Variants in CDC42SE2 observed in about 807,000 individuals in gnomAD.
The protein encoded by CDC42SE2 is CDC42 small effector 2, also known as CDC42 small effector protein 2.
Under a neutral mutation model 11.5 loss-of-function variants are expected in CDC42SE2, and 3 were observed. The ratio of observed to expected loss-of-function variants is 0.26; its 90% CI spans 0.12 to 0.67. CDC42SE2 has a LOEUF of 0.67. CDC42SE2 is among the 30% of genes least tolerant of loss of function. The pLI is 0.80. For synonymous variants in CDC42SE2, 33 were observed against 34.8 expected, an observed-to-expected ratio of 0.95 and a Z score of 0.18; for missense variants, 82 against 106.8, an observed-to-expected ratio of 0.77 and a Z score of 1.02.
intron 1 of CDC42SE2, among the ~76,000 whole-genome samples, chr5:131,312,665 G>A (rs1196638964): frequency 3.9e-5 from 6 of 152,146 alleles, no homozygotes; most frequent in Admixed American, 6.5e-5. Context: ...TAAGCCCCTC[G>A]GAAAAGCACA....
At chr5:131,314,284 T>G (rs969902424) in intron 1 of CDC42SE2, among the ~76,000 whole-genome samples, 3 of 151,602 alleles carry the variant, frequency 2.0e-5, no homozygotes, top group African/African-American at 7.3e-5. Context: ...GGGGTTGGAG[T>G]TCAGTGGCAC....
chr5:131,211,447 C>A, the CDC42SE2 span, among the ~76,000 whole-genome samples: 2 of 152,144 alleles, frequency 1.3e-5, no homozygotes, highest in Non-Finnish European at 2.9e-5. Flanking sequence ...TTTATACTTT[C>A]TTTCAGAATG....
intron 1 of CDC42SE2, among the ~76,000 whole-genome samples, chr5:131,307,400 C>A (rs958637899): frequency 7.2e-5 from 11 of 152,006 alleles, no homozygotes; most frequent in African/African-American, 2.7e-4. Context: ...ATGAACTCAT[C>A]ATTTTTTATG....
At chr5:131,345,857 A>G (rs1390375301) in intron 2 of CDC42SE2, among the ~76,000 whole-genome samples, 1 of 152,208 alleles carries the variant, frequency 6.6e-6, no homozygotes, top group African/African-American at 2.4e-5. Flanking sequence ...ACATTCTTAA[A>G]GAAAAGAATT....
intron 2 of CDC42SE2, among the ~76,000 whole-genome samples, chr5:131,355,334 A>T (rs1367307971): frequency 6.6e-6 from 1 of 152,104 alleles, no homozygotes; most frequent in Non-Finnish European, 1.5e-5. Context: ...AAAGTTAGCC[A>T]AATGTGGTGG....
chr5:131,356,614 A>G (rs1749556136), intron 2 of CDC42SE2, among the ~76,000 whole-genome samples: 1 of 152,242 alleles, frequency 6.6e-6, no homozygotes. Context: ...GGAAATATGT[A>G]GCAATAGAAG....
chr5:131,292,927 A>G (rs1377529989), intron 1 of CDC42SE2, among the ~76,000 whole-genome samples: 2 of 150,606 alleles, frequency 1.3e-5, no homozygotes, highest in Admixed American at 6.7e-5. Context: ...AAAAAAAAAA[A>G]AAAAAAACAG....
intron 4 of CDC42SE2, among the ~76,000 whole-genome samples, chr5:131,386,205 A>T (rs1310724457): frequency 6.6e-6 from 1 of 152,206 alleles, no homozygotes; most frequent in African/African-American, 2.4e-5. Context: ...GTCCACAACC[A>T]AATCCTTGCA....
chr5:131,235,124 C>T, the CDC42SE2 span, among the ~76,000 whole-genome samples: 5 of 151,856 alleles, frequency 3.3e-5, no homozygotes, highest in Non-Finnish European at 5.9e-5. Context: ...CTCCTGACCT[C>T]GTGATCTGCC....
chr5:131,341,780 A>G (rs912669862), intron 2 of CDC42SE2, among the ~76,000 whole-genome samples: 2 of 152,212 alleles, frequency 1.3e-5, no homozygotes, highest in Non-Finnish European at 2.9e-5. Flanking sequence ...ATTATTTAAG[A>G]AAAGATAGGA....
upstream of CDC42SE2, chr5:131,261,405 AAAC>A (rs1481333378): frequency 6.6e-6 from 1 of 152,238 alleles, no homozygotes. Context: ...ATTTTTTTAT[AAAC>A]AAAAGTCTAT....
chr5:131,314,478 C>T (rs887927950), intron 1 of CDC42SE2, among the ~76,000 whole-genome samples: 5 of 151,998 alleles, frequency 3.3e-5, no homozygotes, highest in African/African-American at 1.2e-4. Flanking sequence ...TGGCCTCAAG[C>T]AATCATCCCA....
Position 131,309,530 on chromosome 5 carries a change from C to T in CDC42SE2, c.-454-6446C>T, listed in dbSNP as rs1414542530. Among the ~76,000 whole-genome samples, 20 of 150,900 alleles carry T rather than the reference C, an allele frequency of 1.3e-4. No homozygotes were observed. In the South Asian group the frequency reaches 3.8e-3, roughly 28 times the overall value. On this transcript the variant is annotated intron_variant, in intron 1 of 4. Coordinates refer to ENST00000505065, the MANE Select transcript of CDC42SE2 (RefSeq NM_001375635.1). The stretch of plus-strand genomic sequence containing the variant: ...AGTTTCAGAAGGAATGGTACCAGTT[C>T]CTCCTTGTACCTCTGGTAGAATTCG...
At chr5:131,273,073 A>G (rs1254381668) in intron 1 of CDC42SE2, among the ~76,000 whole-genome samples, 1 of 151,690 alleles carries the variant, frequency 6.6e-6, no homozygotes, top group Non-Finnish European at 1.5e-5. Flanking sequence ...CCTCTTCTAT[A>G]TTTATATTTA....
chr5:131,350,158 A>G (rs938572724), intron 2 of CDC42SE2, among the ~76,000 whole-genome samples: 10 of 152,152 alleles, frequency 6.6e-5, no homozygotes, highest in African/African-American at 1.9e-4. Flanking sequence ...ATTTCCTTCT[A>G]TGTAGCAAAT....
intron 2 of CDC42SE2, among the ~76,000 whole-genome samples, chr5:131,324,288 C>CT (rs927163579): frequency 6.8e-4 from 104 of 152,250 alleles, no homozygotes; most frequent in African/African-American, 2.4e-3. Flanking sequence ...CAGCTCTCTC[C>CT]TTCATGGCTG....
At chr5:131,280,478 G>A (rs748543462) in intron 1 of CDC42SE2, among the ~76,000 whole-genome samples, 2 of 152,174 alleles carry the variant, frequency 1.3e-5, no homozygotes, top group Non-Finnish European at 2.9e-5. Flanking sequence ...ATATTGGAAA[G>A]TGAAAATTCT....
chr5:131,267,055 ATTT>A (rs71000983), intron 1 of CDC42SE2, among the ~76,000 whole-genome samples: 17 of 113,666 alleles, frequency 1.5e-4, no homozygotes, highest in Admixed American at 1.9e-4. Flanking sequence ...AGAACTCATA[ATTT>A]TTTTTTTTTT....
intron 1 of CDC42SE2, among the ~76,000 whole-genome samples, chr5:131,302,195 T>C (rs1412619705): frequency 2.0e-5 from 3 of 151,800 alleles, no homozygotes; most frequent in Non-Finnish European, 4.4e-5. Flanking sequence ...CTTTTTTTTT[T>C]TGAGACGGAG....
Sources: gnomAD v4.1 joint callset for allele counts (sites outside exome capture counted in the v4.1 genomes callset) on GRCh38, gnomAD v4.1.1 for gene constraint, MANE v1.5 for transcripts, NCBI Gene and HGNC (gene_info 2026-07-23, HGNC 2026-07-21) for gene names.